Variants in POLR3C observed in about 807,000 individuals in gnomAD.
The protein encoded by POLR3C is DNA-directed RNA polymerase III subunit RPC3.
POLR3C carries 44 observed loss-of-function variants against 65.9 expected under a neutral mutation model. The observed-to-expected ratio is 0.67, with a 90% CI of 0.52 to 0.86. The LOEUF is 0.86. POLR3C is among the 40% of genes least tolerant of loss of function. The pLI, the probability that POLR3C is intolerant of heterozygous loss-of-function variation, is 0.00. For missense variants in POLR3C, 576 were observed against 653.2 expected, an observed-to-expected ratio of 0.88 and a Z score of 1.29; for synonymous variants, 263 against 231.6, an observed-to-expected ratio of 1.14 and a Z score of -1.23.
Position 145,842,360 on chromosome 1 carries a change from G to A in POLR3C, c.1545G>A (p.Gln515=). The A allele has an allele frequency of 6.2e-7, 1 of 1,610,586 alleles. No homozygotes were observed. The highest frequency in any genetic ancestry group is 1.1e-5 in the South Asian group (1 of 91,008). The change falls in exon 15 of 15, where the codon CAG becomes CAA. Residue 515 remains glutamine (Q), a synonymous_variant. Coordinates refer to ENST00000334163, the MANE Select transcript of POLR3C (RefSeq NM_006468.8). ...TCAGGTTGGATGCCAGTGAGATCCA[G>A]GTGGACGAAACCATCTTCCTGCTGG... ...NVNKLDASEI[Q]VDETIFLLES...
chr1:145,836,119 CT>C (rs77530377), intron 7 of POLR3C, among the ~76,000 whole-genome samples: 2,747 of 133,140 alleles, frequency 0.021, 40 homozygotes, highest in Non-Finnish European at 0.029. Context: ...AAAATTAAAA[CT>C]TTTTTTTTTT....
rs58596799 is a variant in POLR3C, at chr1:145,842,809, A to AGATAGATAGATAGATAGATAGAT, written c.*397_*398insGATAGATAGATAGATGATAGATA. On this transcript the variant is annotated 3_prime_UTR_variant, in exon 15 of 15. Transcript: ENST00000334163. ...TGAGATAGGTGATAGATAGATAGAT[A>AGATAGATAGATAGATAGATAGAT]GATAGATAATTTGTTGTTGTTGAGA... Among the ~76,000 whole-genome samples, 178 of 151,922 alleles carry AGATAGATAGATAGATAGATAGAT rather than the reference A, an allele frequency of 1.2e-3. 2 individuals carry two copies. The highest frequency in any genetic ancestry group is 3.7e-3 in the African/African-American group (154 of 41,292).
At position 145,826,493 on chromosome 1, in the gene POLR3C, G is replaced by A; in HGVS notation, c.187G>A (p.Val63Met). Reference protein sequence around the residue: ...ALCVLVQHNLVSYQVHKRGVV... With the variant: ...ALCVLVQHNLMSYQVHKRGVV... ...GTGTGTCCTCGTCCAACATAACCTG[G>A]TGAGTTATCAAGTGCACAAACGTGG... The change falls in exon 3 of 15, where the codon GTG becomes ATG. Residue 63 changes from valine to methionine, a missense_variant. Val to Met is a conservative substitution (Grantham distance 21). Coordinates refer to ENST00000334163, the MANE Select transcript of POLR3C (RefSeq NM_006468.8). 6.2e-7 allele frequency: 1 copy of A among 1,613,606 alleles called. No homozygotes were observed. The highest frequency in any genetic ancestry group is 8.5e-7 in the Non-Finnish European group (1 of 1,179,836).
Position 145,840,932 on chromosome 1 carries a change from G to A in POLR3C, c.1384G>A (p.Glu462Lys). The change falls in exon 14 of 15, where the codon GAA becomes AAA. Residue 462 changes from glutamate to lysine, a missense_variant. By Grantham distance (56) the Glu-to-Lys change is moderately conservative. Coordinates refer to ENST00000334163, the MANE Select transcript of POLR3C (RefSeq NM_006468.8). ...GTGTTTGTTTGACAGGCGTCTACTA[G>A]AAAAATCTCAGAGGGTAGAAGCCAT... ...FETKENKRLL[E>K]KSQRVEAIIA... 1 of 1,613,254 alleles carries A rather than the reference G, an allele frequency of 6.2e-7. No individual in the cohort carries two copies. The highest frequency in any genetic ancestry group is 8.5e-7 in the Non-Finnish European group (1 of 1,179,256).
Position 145,837,686 on chromosome 1 carries a change from C to T in POLR3C, c.1070+90C>T. 9 of 868,892 alleles carry T rather than the reference C, an allele frequency of 1.0e-5. No individual in the cohort carries two copies. In the South Asian group the frequency reaches 1.2e-4, roughly 12 times the overall value. 53.8% of individuals were successfully genotyped at this position (868,892 alleles called of 1,614,324 possible). On this transcript the variant is annotated intron_variant, in intron 10 of 14. Coordinates refer to ENST00000334163, the MANE Select transcript of POLR3C (RefSeq NM_006468.8). ...ATTATGTAAGCCACCAATATAACCA[C>T]ACCTTGGCATACTTTTCCCCATTTT...
intron 10 of POLR3C, 87 bp from the exon 11 acceptor site, chr1:145,837,969 A>T (rs1651985154): frequency 8.2e-7 from 1 of 1,220,448 alleles, no homozygotes. Flanking sequence ...GGCTTCACAC[A>T]TGGAATAGAA....
In POLR3C at chr1:145,825,890, A is replaced by G; in HGVS notation, c.114A>G (p.Val38=). The G allele has an allele frequency of 6.2e-7, 1 of 1,613,704 alleles. No homozygotes were observed. The highest frequency in any genetic ancestry group is 8.5e-7 in the Non-Finnish European group (1 of 1,179,564). Residue 38 remains valine (V), a synonymous_variant, in exon 2 of 15, where the codon GTA becomes GTG. Coordinates refer to ENST00000334163, the MANE Select transcript of POLR3C (RefSeq NM_006468.8). ...GAACCGGCAGCCAGCCACTAAGAGTAATTGCCCATGACACAGGAACATCAC... is the reference window on the plus strand; with the variant it reads ...GAACCGGCAGCCAGCCACTAAGAGTGATTGCCCATGACACAGGAACATCAC... ...LIRTGSQPLR[V]IAHDTGTSLD...
rs1187076174 is a variant in POLR3C at position 145,828,502 on chromosome 1, GGAT to G, written c.590-243_590-241del. 3.9e-5 allele frequency among the ~76,000 whole-genome samples: 6 copies of G among 152,270 alleles called. No individual in the cohort carries two copies. In the East Asian group the frequency reaches 9.7e-4, roughly 24 times the overall value. ...GTGTGTCTGACTTGCACATGTGGGAGGATGATATCACTGGCCATGAAAGAGAGC... is the reference window on the plus strand; with the variant it reads ...GTGTGTCTGACTTGCACATGTGGGAGGATATCACTGGCCATGAAAGAGAGC... On this transcript the variant is annotated intron_variant, in intron 4 of 14. Transcript: ENST00000334163.
At chr1:145,837,644 A>C in intron 10 of POLR3C, 48 bp downstream of exon 10, 3 of 1,206,282 alleles carry the variant, frequency 2.5e-6, no homozygotes, top group Non-Finnish European at 3.7e-6. Context: ...TCCTATCCCC[A>C]GTGAAGTAAT....
chr1:145,841,131 C>A, intron 14 of POLR3C, 60 bp downstream of exon 14: 1 of 1,420,552 alleles, frequency 7.0e-7, no homozygotes, highest in South Asian at 1.2e-5. Context: ...TCCATTTTGA[C>A]CTCCTGTAAC....
intron 13 of POLR3C, chr1:145,840,510 A>G (rs1652209091): frequency 3.7e-6 from 1 of 271,848 alleles, no homozygotes; most frequent in South Asian, 5.5e-5. Flanking sequence ...ACTGCACTCC[A>G]GCCTGGGCGA....
intron 12 of POLR3C, 26 bp downstream of exon 12, chr1:145,840,017 A>G: frequency 6.5e-7 from 1 of 1,531,538 alleles, no homozygotes; most frequent in Non-Finnish European, 9.1e-7. Context: ...CCTTCTCCCC[A>G]TTTCCTCCAT....
intron 5 of POLR3C, among the ~76,000 whole-genome samples, chr1:145,831,051 A>G (rs1029013502): frequency 2.0e-5 from 3 of 151,858 alleles, no homozygotes; most frequent in African/African-American, 7.3e-5. Flanking sequence ...GTGAGCCATG[A>G]TGGTGCCACT....
rs1652436324 is a variant in POLR3C, at chr1:145,843,401, C to G, written c.*981C>G. Among the ~76,000 whole-genome samples the G allele has an allele frequency of 6.6e-6, 1 of 152,160 alleles. No homozygotes were observed. Among genetic ancestry groups the G allele is most frequent in the Non-Finnish European group, 1.5e-5 (1 of 68,038 alleles). On this transcript the variant is annotated 3_prime_UTR_variant, in exon 15 of 15. Coordinates refer to ENST00000334163, the MANE Select transcript of POLR3C (RefSeq NM_006468.8). Reference sequence around the variant, plus strand: ...TGTTTTATAATATCTTCAGTTTTCTCTCACCAATGTGTTTTCTAATTGTTT... The same window carrying G: ...TGTTTTATAATATCTTCAGTTTTCTGTCACCAATGTGTTTTCTAATTGTTT...
chr1:145,825,950 C>A, intron 2 of POLR3C, 27 bp downstream of exon 2: 5 of 1,562,716 alleles, frequency 3.2e-6, no homozygotes, highest in Non-Finnish European at 4.4e-6. Context: ...TTCATTTTCT[C>A]TCATTTCTTT....
chr1:145,826,774 A>T (rs1553725893), intron 3 of POLR3C, 46 bp from the exon 4 acceptor site: 1 of 1,607,398 alleles, frequency 6.2e-7, no homozygotes, highest in South Asian at 1.1e-5. Flanking sequence ...GTGAACCCTG[A>T]GCTATCTTAG....
chr1:145,828,248 A>T (rs1650950216), intron 4 of POLR3C, among the ~76,000 whole-genome samples: 2 of 152,206 alleles, frequency 1.3e-5, no homozygotes, highest in South Asian at 2.1e-4. Flanking sequence ...TGGATGGGAG[A>T]CAGGCAGGGG....
rs587642461 is a variant in POLR3C, at chr1:145,836,908, C to G, written c.1009+42C>G. ...TTTCCTTAGAGTCAGGCAGCCTGACCTATAAATCAGAATGGTGCCTTAGGA... is the reference window on the plus strand; with the variant it reads ...TTTCCTTAGAGTCAGGCAGCCTGACGTATAAATCAGAATGGTGCCTTAGGA... On this transcript the variant is annotated intron_variant, in intron 9 of 14. Coordinates refer to ENST00000334163, the MANE Select transcript of POLR3C (RefSeq NM_006468.8). The G allele has an allele frequency of 1.4e-4, 150 of 1,052,312 alleles. 2 individuals carry two copies. The South Asian group carries it at 1.6e-3, about 12-fold the overall frequency. 65.2% of individuals were successfully genotyped at this position (1,052,312 alleles called of 1,614,324 possible).
At chr1:145,835,915 T>C (rs1393453450) in intron 7 of POLR3C, among the ~76,000 whole-genome samples, 1 of 152,074 alleles carries the variant, frequency 6.6e-6, no homozygotes, top group African/African-American at 2.4e-5. Context: ...TATATGACAG[T>C]GTATGTAAAA....
Sources: allele counts gnomAD v4.1 joint callset (sites outside exome capture counted in the v4.1 genomes callset), GRCh38; gene constraint gnomAD v4.1.1; transcripts MANE v1.5; gene names NCBI Gene and HGNC (gene_info 2026-07-23, HGNC 2026-07-21).